PCSK6: variants seen among roughly 807,000 people sequenced by gnomAD.
PCSK6 encodes paired basic amino acid cleaving enzyme 4.
In PCSK6, 85 loss-of-function variants were observed where a neutral mutation model predicts 123.3. The observed-to-expected ratio is 0.69, with a 90% CI of 0.58 to 0.83. The LOEUF (loss-of-function observed/expected upper bound fraction) is 0.83. Among genes scored for constraint, PCSK6 ranks in the 40% least tolerant of loss-of-function variants. The probability of loss-of-function intolerance (pLI) is 0.00; values close to 1 mark genes in which losing one functional copy is unlikely to be tolerated. For missense variants in PCSK6, 1,191 were observed against 1,282.3 expected, an observed-to-expected ratio of 0.93 and a Z score of 1.09; for synonymous variants, 508 against 516.0, an observed-to-expected ratio of 0.98 and a Z score of 0.21.
At chr15:101,359,842 G>T (rs1226263271) in intron 13 of PCSK6, among the ~76,000 whole-genome samples, 1 of 152,232 alleles carries the variant, frequency 6.6e-6, no homozygotes, top group Non-Finnish European at 1.5e-5. Flanking sequence ...AGCTTGAAAG[G>T]CTGACGATAC....
intron 13 of PCSK6, among the ~76,000 whole-genome samples, chr15:101,343,195 T>C (rs34245044): frequency 0.17 from 25,786 of 151,068 alleles, 2,447 homozygotes; most frequent in African/African-American, 0.25. Flanking sequence ...TTTTAATGTA[T>C]ATAGGATCTA....
chr15:101,436,028 G>C (rs1179867131), intron 2 of PCSK6, among the ~76,000 whole-genome samples: 2 of 152,176 alleles, frequency 1.3e-5, no homozygotes, highest in East Asian at 1.9e-4. Context: ...AAGCGACAGG[G>C]GAGGGTGTTT....
chr15:101,324,181 C>T (rs2040195513), intron 17 of PCSK6, among the ~76,000 whole-genome samples: 1 of 152,228 alleles, frequency 6.6e-6, no homozygotes, highest in Non-Finnish European at 1.5e-5. Flanking sequence ...GAGGAAAACA[C>T]TGCCTGTCTA....
chr15:101,405,215 A>C (rs914598917), intron 6 of PCSK6, among the ~76,000 whole-genome samples: 1 of 152,242 alleles, frequency 6.6e-6, no homozygotes, highest in African/African-American at 2.4e-5. Context: ...CTCTAATGAG[A>C]AAAGAAAGGC....
At chr15:101,341,553 T>G (rs2040609507) in intron 13 of PCSK6, among the ~76,000 whole-genome samples, 1 of 152,092 alleles carries the variant, frequency 6.6e-6, no homozygotes. Context: ...TGAGTCCCCA[T>G]GCCCGGCCTA....
At chr15:101,433,766 T>G (rs11633400) in intron 2 of PCSK6, among the ~76,000 whole-genome samples, 130,701 of 152,206 alleles carry the variant, frequency 0.86, 56,427 homozygotes, top group African/African-American at 0.88. Flanking sequence ...TCCCTGAGCC[T>G]TGGCCTCCCC....
chr15:101,453,233 T>A (rs1428161997), intron 1 of PCSK6, among the ~76,000 whole-genome samples: 1 of 152,182 alleles, frequency 6.6e-6, no homozygotes, highest in Non-Finnish European at 1.5e-5. Flanking sequence ...TGAGGTGTAT[T>A]TCAAGGGCAG....
At chr15:101,364,774 C>G in intron 13 of PCSK6, 1 of 445,536 alleles carries the variant, frequency 2.2e-6, no homozygotes, top group Admixed American at 3.6e-5. Flanking sequence ...AGAATTCCAA[C>G]TACCTTTTAA....
chr15:101,374,569 AC>A (rs1293292191), intron 11 of PCSK6, among the ~76,000 whole-genome samples: 1 of 152,054 alleles, frequency 6.6e-6, no homozygotes, highest in Non-Finnish European at 1.5e-5. Flanking sequence ...ATGTTGAGAG[AC>A]CCTCCAGAAT....
At chr15:101,360,772 T>C (rs903093878) in intron 13 of PCSK6, among the ~76,000 whole-genome samples, 1 of 152,202 alleles carries the variant, frequency 6.6e-6, no homozygotes, top group South Asian at 2.1e-4. Flanking sequence ...TTCCCAGATG[T>C]CTGCAGAGCT....
At position 101,398,466 on chromosome 15, in the gene PCSK6, C is replaced by G; in HGVS notation, c.934G>C (p.Gly312Arg). 1 of 1,613,964 alleles carries G rather than the reference C, an allele frequency of 6.2e-7. No homozygotes were observed. The highest frequency in any genetic ancestry group is 8.5e-7 in the Non-Finnish European group (1 of 1,179,840). Residue 312 changes from glycine (G) to arginine (R), a missense_variant, in exon 7 of 22, where the codon GGC (glycine) becomes CGC (arginine). By Grantham distance (125) the Gly-to-Arg change is moderately radical. Transcript: ENST00000611716. This position sits in a 1 kb window ranked among gnomAD's most constrained non-coding sequence, Gnocchi z 4.6. ...CGGCCGGGCCCGTCCACCGTCTTGCCGTCGTCGTCCGGCCCCCAGCTGGCA... is the reference window on the plus strand; with the variant it reads ...CGGCCGGGCCCGTCCACCGTCTTGCGGTCGTCGTCCGGCCCCCAGCTGGCA... Reference protein sequence around the residue: ...YSASWGPDDDGKTVDGPGRLA... With the variant: ...YSASWGPDDDRKTVDGPGRLA...
chr15:101,384,803 GCATAAGAGTACATT>G (rs1236859304), intron 9 of PCSK6, among the ~76,000 whole-genome samples: 2 of 152,202 alleles, frequency 1.3e-5, no homozygotes, highest in Non-Finnish European at 2.9e-5. Context: ...ATACAACAGT[GCATAAGAGTACATT>G]CAAACCACGA....
chr15:101,455,815 G>A (rs2057163788), intron 1 of PCSK6, among the ~76,000 whole-genome samples: 1 of 152,238 alleles, frequency 6.6e-6, no homozygotes, highest in South Asian at 2.1e-4. Flanking sequence ...CAGCTGTCAT[G>A]ACTTCACCAA....
At chr15:101,486,458 C>A (rs567417612) in intron 1 of PCSK6, among the ~76,000 whole-genome samples, 5 of 152,320 alleles carry the variant, frequency 3.3e-5, no homozygotes, top group Admixed American at 3.3e-4. Flanking sequence ...AATCTCCAGG[C>A]TCTTTTGGAT....
intron 15 of PCSK6, among the ~76,000 whole-genome samples, chr15:101,330,041 G>A (rs1055025709): frequency 4.6e-5 from 7 of 152,316 alleles, no homozygotes; most frequent in East Asian, 1.9e-4. Flanking sequence ...AGCACCCTGC[G>A]GAGTCCCTGG....
chr15:101,443,504 A>G (rs2056808813), intron 2 of PCSK6, 52 bp downstream of exon 2: 3 of 1,273,798 alleles, frequency 2.4e-6, no homozygotes, highest in Non-Finnish European at 3.4e-6. Flanking sequence ...CATTTTTAAG[A>G]CCACAGACCC....
chr15:101,346,872 T>C, intron 13 of PCSK6: 1 of 1,231,600 alleles, frequency 8.1e-7, no homozygotes, highest in East Asian at 3.2e-5. Context: ...ACAGCAGCAG[T>C]TGGTTGCATT....
At chr15:101,353,425 G>T (rs1347619795) in intron 13 of PCSK6, among the ~76,000 whole-genome samples, 1 of 152,104 alleles carries the variant, frequency 6.6e-6, no homozygotes, top group Non-Finnish European at 1.5e-5. Flanking sequence ...GTGTAGTCTA[G>T]TCCCTAACAG....
At chr15:101,428,751 C>T (rs376089820) in intron 5 of PCSK6, among the ~76,000 whole-genome samples, 15 of 152,186 alleles carry the variant, frequency 9.9e-5, no homozygotes, top group Admixed American at 2.6e-4. Context: ...CTTTAAAAAT[C>T]GCCCCAGGCA....
Sources: allele counts gnomAD v4.1 joint callset (sites outside exome capture counted in the v4.1 genomes callset), GRCh38; gene constraint gnomAD v4.1.1; non-coding constraint Gnocchi (gnomAD v3.1); transcripts MANE v1.5; gene names NCBI Gene and HGNC (gene_info 2026-07-23, HGNC 2026-07-21).